The following KCNAB1 variants were observed in gnomAD, a reference collection of about 807,000 sequenced individuals.
KCNAB1 encodes the protein voltage-gated potassium channel subunit beta-1.
Under a neutral mutation model 64.6 loss-of-function variants are expected in KCNAB1, and 35 were observed. That is an observed-to-expected ratio of 0.54 (90% CI 0.41 to 0.72). KCNAB1 has a LOEUF of 0.72. Ranked by LOEUF, KCNAB1 falls within the 30% of genes least tolerant of loss-of-function variation. The pLI is 0.00. For synonymous variants in KCNAB1, 177 were observed against 183.8 expected, an observed-to-expected ratio of 0.96 and a Z score of 0.30; for missense variants, 401 against 512.9, an observed-to-expected ratio of 0.78 and a Z score of 2.11.
chr3:156,317,213 C>G (rs909288684), intron 1 of KCNAB1, among the ~76,000 whole-genome samples: 1 of 152,142 alleles, frequency 6.6e-6, no homozygotes, highest in African/African-American at 2.4e-5. Flanking sequence ...AAATACGATT[C>G]TAGACATATC....
chr3:156,481,132 G>A (rs192455922), intron 8 of KCNAB1, among the ~76,000 whole-genome samples: 2 of 152,022 alleles, frequency 1.3e-5, no homozygotes, highest in African/African-American at 2.4e-5. Flanking sequence ...GCATCCAGAT[G>A]CACTGCATCT....
chr3:156,249,675 T>C (rs1202450651), intron 1 of KCNAB1, among the ~76,000 whole-genome samples: 1 of 152,196 alleles, frequency 6.6e-6, no homozygotes, highest in Non-Finnish European at 1.5e-5. Flanking sequence ...AACCACCCAG[T>C]TGCCTATCAA....
intron 1 of KCNAB1, among the ~76,000 whole-genome samples, chr3:156,267,231 G>T (rs9844444): frequency 0.012 from 1,884 of 152,188 alleles, 48 homozygotes; most frequent in African/African-American, 0.044. Context: ...AGTGCATAGT[G>T]AACATTTTCC....
chr3:156,186,859 T>C (rs1713232482), intron 1 of KCNAB1, among the ~76,000 whole-genome samples: 1 of 151,732 alleles, frequency 6.6e-6, no homozygotes. Flanking sequence ...TTTTTTTTTT[T>C]TTTCTTTCTG....
intron 1 of KCNAB1, among the ~76,000 whole-genome samples, chr3:156,223,026 G>A (rs1356953201): frequency 4.6e-5 from 7 of 152,118 alleles, no homozygotes; most frequent in African/African-American, 1.7e-4. Context: ...GTGGGTTCTT[G>A]GTCTCACTGA....
At chr3:156,351,439 C>A (rs1420777572) in intron 1 of KCNAB1, among the ~76,000 whole-genome samples, 1 of 152,244 alleles carries the variant, frequency 6.6e-6, no homozygotes, top group Non-Finnish European at 1.5e-5. Flanking sequence ...CTTTCAGCAT[C>A]CACTTGATGT....
chr3:156,458,317 GA>G (rs1712611917), intron 4 of KCNAB1, among the ~76,000 whole-genome samples: 1 of 152,190 alleles, frequency 6.6e-6, no homozygotes, highest in Non-Finnish European at 1.5e-5. Context: ...GCACATTTCA[GA>G]ATAGATCTGG....
At chr3:156,509,056 T>C (rs1717008606) in intron 8 of KCNAB1, among the ~76,000 whole-genome samples, 1 of 151,536 alleles carries the variant, frequency 6.6e-6, no homozygotes, top group East Asian at 1.9e-4. Flanking sequence ...GCGATTCTGA[T>C]TCATGGTGGT....
intron 8 of KCNAB1, among the ~76,000 whole-genome samples, chr3:156,478,929 AG>A (rs1211371296): frequency 6.6e-6 from 1 of 152,152 alleles, no homozygotes; most frequent in Non-Finnish European, 1.5e-5. Context: ...CAGTGGAGAA[AG>A]GGGTGAGAAA....
chr3:156,505,577 T>G (rs967497498), intron 8 of KCNAB1, among the ~76,000 whole-genome samples: 2 of 152,202 alleles, frequency 1.3e-5, no homozygotes, highest in Non-Finnish European at 2.9e-5. Context: ...TTCAATTTCT[T>G]TCATCAGTTT....
At chr3:156,380,315 G>A in intron 1 of KCNAB1, among the ~76,000 whole-genome samples, 1 of 152,162 alleles carries the variant, frequency 6.6e-6, no homozygotes, top group Non-Finnish European at 1.5e-5. Flanking sequence ...AGTGTACCTT[G>A]ATTTTGTGCA....
chr3:156,396,862 G>A (rs1713500397), intron 1 of KCNAB1, among the ~76,000 whole-genome samples: 1 of 152,198 alleles, frequency 6.6e-6, no homozygotes, highest in Admixed American at 6.5e-5. Context: ...AGTGGCTCTG[G>A]CATTCACATA....
chr3:156,132,026 TGTA>T (rs947955382), intron 1 of KCNAB1, among the ~76,000 whole-genome samples: 77 of 152,152 alleles, frequency 5.1e-4, no homozygotes, highest in African/African-American at 1.7e-3. Context: ...GGCTGGGAAT[TGTA>T]GTTATAAATG....
At chr3:156,406,115 T>G (rs1434130727) in intron 1 of KCNAB1, among the ~76,000 whole-genome samples, 1 of 152,190 alleles carries the variant, frequency 6.6e-6, no homozygotes, top group Non-Finnish European at 1.5e-5. Flanking sequence ...AAGATGAAAT[T>G]TGTTAGCAAA....
At chr3:156,438,763 C>A (rs140811816) in intron 2 of KCNAB1, among the ~76,000 whole-genome samples, 1 of 152,080 alleles carries the variant, frequency 6.6e-6, no homozygotes, top group African/African-American at 2.4e-5. Context: ...CACCTGTAAT[C>A]CCAGCACTTT....
At chr3:156,325,155 A>G (rs1277255097) in intron 1 of KCNAB1, among the ~76,000 whole-genome samples, 2 of 152,212 alleles carry the variant, frequency 1.3e-5, no homozygotes, top group South Asian at 2.1e-4. Flanking sequence ...TACTACTATC[A>G]TTCCTGTCTT....
At chr3:156,150,139 T>A (rs1192705770) in intron 1 of KCNAB1, among the ~76,000 whole-genome samples, 1 of 152,172 alleles carries the variant, frequency 6.6e-6, no homozygotes, top group Non-Finnish European at 1.5e-5. Flanking sequence ...CCAAGATGGC[T>A]CAGGCTCAGG....
chr3:156,291,378 C>G, intron 1 of KCNAB1: 1 of 994,712 alleles, frequency 1.0e-6, no homozygotes, highest in Non-Finnish European at 1.2e-6. Flanking sequence ...CGATTAGCTG[C>G]TTCTTGGGAT....
At chr3:156,175,929 A>G in intron 1 of KCNAB1, 1 of 933,638 alleles carries the variant, frequency 1.1e-6, no homozygotes, top group Non-Finnish European at 1.8e-6. Flanking sequence ...AAGCAACTTC[A>G]TTGATGGAGC....
Sources: gnomAD v4.1 joint callset for allele counts (sites outside exome capture counted in the v4.1 genomes callset) on GRCh38, gnomAD v4.1.1 for gene constraint, MANE v1.5 for transcripts, NCBI Gene and HGNC (gene_info 2026-07-23, HGNC 2026-07-21) for gene names.